Variants in TES observed in about 807,000 individuals in gnomAD.
TES encodes the protein testin.
TES carries 41 observed loss-of-function variants against 48.2 expected under a neutral mutation model. The ratio of observed to expected loss-of-function variants is 0.85; its 90% CI spans 0.66 to 1.10. The LOEUF (loss-of-function observed/expected upper bound fraction) is 1.10. Ranked by LOEUF, TES falls within the 50% of genes least tolerant of loss-of-function variation. TES has a pLI of 0.00. For missense variants in TES, 463 were observed against 515.1 expected, an observed-to-expected ratio of 0.90 and a Z score of 0.98; for synonymous variants, 162 against 174.9, an observed-to-expected ratio of 0.93 and a Z score of 0.58.
intron 2 of TES, among the ~76,000 whole-genome samples, chr7:116,240,578 CCCT>C (rs747666173): frequency 1.3e-5 from 2 of 152,072 alleles, no homozygotes; most frequent in African/African-American, 2.4e-5. Flanking sequence ...ATACAAATAA[CCCT>C]CCTCCATCCC....
chr7:116,218,923 A>G (rs1799525147), intron 1 of TES, among the ~76,000 whole-genome samples: 1 of 152,180 alleles, frequency 6.6e-6, no homozygotes, highest in African/African-American at 2.4e-5. Flanking sequence ...TAAATGCAAG[A>G]GACACAAAAT....
intron 1 of TES, among the ~76,000 whole-genome samples, chr7:116,219,512 A>G (rs879469546): frequency 2.6e-5 from 4 of 152,118 alleles, no homozygotes; most frequent in African/African-American, 9.7e-5. Flanking sequence ...CTGGGACCAC[A>G]ATGTTGCCAG....
Position 116,249,186 on chromosome 7 carries a change from T to C in TES, c.280T>C (p.Leu94=), listed in dbSNP as rs762073024. 6 of 1,614,016 alleles carry C rather than the reference T, an allele frequency of 3.7e-6. No homozygotes were observed. Among genetic ancestry groups the C allele is most frequent in the South Asian group, 1.1e-5 (1 of 91,080 alleles). Residue 94 remains leucine, a synonymous_variant, in exon 3 of 7, where the codon TTG becomes CTG. Coordinates refer to ENST00000358204, the MANE Select transcript of TES (RefSeq NM_015641.4). The part of the protein sequence containing the change: ...IPMYKRNVMI[L]TNPVAAKKNV... ...CATGTATAAACGCAATGTTATGATA[T>C]TGACGAATCCAGTTGCTGCCAAGAA...
At chr7:116,230,223 C>T (rs757076098) in intron 1 of TES, among the ~76,000 whole-genome samples, 7 of 152,088 alleles carry the variant, frequency 4.6e-5, no homozygotes, top group Admixed American at 2.0e-4. Flanking sequence ...TGACCCATTC[C>T]ACTCTCTTTC....
chr7:116,222,883 C>T (rs769145889), intron 1 of TES: 17 of 752,946 alleles, frequency 2.3e-5, no homozygotes, highest in Non-Finnish European at 2.6e-5. Context: ...CTCAGCCAAT[C>T]CTAATTAAGA....
rs760515431 is a variant in TES, at chr7:116,257,245, CA to C, written c.1078-48del. ...ATATGTCCTAAGATGAAAATGTTACCATTACAGCTTGATCTCTCACCCTCTT... is the reference window on the plus strand; with the variant it reads ...ATATGTCCTAAGATGAAAATGTTACCTTACAGCTTGATCTCTCACCCTCTT... On this transcript the variant is annotated intron_variant, in intron 6 of 6. Transcript: ENST00000358204. 3.4e-6 allele frequency: 5 copies of C among 1,488,288 alleles called. No individual in the cohort carries two copies. The South Asian group carries it at 6.6e-5, about 20-fold the overall frequency. 92.2% of individuals were successfully genotyped at this position (1,488,288 alleles called of 1,614,324 possible). A position where few individuals can be genotyped will look rare whatever the true frequency, so the allele number is the denominator to read the frequency against.
Position 116,257,184 on chromosome 7 carries a change from G to T in TES, c.1078-110G>T, listed in dbSNP as rs1034103103. Reference sequence around the variant, plus strand: ...CCACCCTCCATTGTGTATTTCTGAGGTTGTCATTATGAGTTTTAATTTATC... The same window carrying T: ...CCACCCTCCATTGTGTATTTCTGAGTTTGTCATTATGAGTTTTAATTTATC... On this transcript the variant is annotated intron_variant, in intron 6 of 6. Coordinates refer to ENST00000358204, the MANE Select transcript of TES (RefSeq NM_015641.4). 15 of 1,203,314 alleles carry T rather than the reference G, an allele frequency of 1.2e-5. No homozygotes were observed. In the African/African-American group the frequency reaches 1.5e-4, roughly 12 times the overall value. The allele number at this position is 1,203,314 out of a possible 1,614,324, so 74.5% of individuals were successfully genotyped here.
At chr7:116,254,678 A>G (rs1326752246) in intron 6 of TES, among the ~76,000 whole-genome samples, 1 of 151,688 alleles carries the variant, frequency 6.6e-6, no homozygotes, top group Non-Finnish European at 1.5e-5. Flanking sequence ...GGAGGTTGCA[A>G]TGAGCCGAGA....
At position 116,249,206 on chromosome 7, in the gene TES, C is replaced by G; in HGVS notation, c.300C>G (p.Ala100=). 6.2e-7 allele frequency: 1 copy of G among 1,614,042 alleles called. No homozygotes were observed. Among genetic ancestry groups the G allele is most frequent in the Non-Finnish European group, 8.5e-7 (1 of 1,179,978 alleles). The change falls in exon 3 of 7, where the codon GCC becomes GCG. Residue 100 remains alanine (A), a synonymous_variant. Coordinates refer to ENST00000358204, the MANE Select transcript of TES (RefSeq NM_015641.4). The part of the protein sequence containing the change: ...NVMILTNPVA[A]KKNVSINTVT... ...TGATATTGACGAATCCAGTTGCTGC[C>G]AAGAAGAATGTCTCCATCAATACAG...
At chr7:116,252,704 G>T in intron 6 of TES, 1 of 553,840 alleles carries the variant, frequency 1.8e-6, no homozygotes, top group Non-Finnish European at 3.2e-6. Flanking sequence ...TCAATTATAG[G>T]TACTGCTTAA....
chr7:116,234,343 GAATATAA>G (rs1799738042), intron 1 of TES, among the ~76,000 whole-genome samples, 184 bp from the exon 2 acceptor site: 2 of 152,252 alleles, frequency 1.3e-5, no homozygotes, highest in African/African-American at 4.8e-5. Flanking sequence ...AAAGCAATCA[GAATATAA>G]AATATGTTAT....
intron 6 of TES, among the ~76,000 whole-genome samples, chr7:116,256,680 A>G (rs956171110): frequency 1.3e-5 from 2 of 152,212 alleles, no homozygotes; most frequent in African/African-American, 4.8e-5. Flanking sequence ...CAGGGATTGT[A>G]AGTATTAATG....
intron 2 of TES, among the ~76,000 whole-genome samples, chr7:116,235,661 C>T (rs1364809374): frequency 6.6e-6 from 1 of 151,876 alleles, no homozygotes; most frequent in African/African-American, 2.4e-5. Flanking sequence ...CAAGTCTGCT[C>T]AAAGTTAGAA....
intron 1 of TES, among the ~76,000 whole-genome samples, chr7:116,216,317 A>G (rs1799493338): frequency 6.6e-6 from 1 of 152,158 alleles, no homozygotes; most frequent in Admixed American, 6.5e-5. Flanking sequence ...GTGTATGGAA[A>G]GGTCTTCCAT....
rs191282146 is a variant in TES at position 116,219,539 on chromosome 7, G to C, written c.27+8805G>C. On this transcript the variant is annotated intron_variant, in intron 1 of 6. Coordinates refer to ENST00000358204, the MANE Select transcript of TES (RefSeq NM_015641.4). ...TGTTGCCAGGTTTTCATCCTTCTTA[G>C]ATCAGTGAAGCCAACAGTAAAGGTC... is the stretch of plus-strand genomic sequence containing the variant. 2.6e-5 allele frequency among the ~76,000 whole-genome samples: 4 copies of C among 152,236 alleles called. No individual in the cohort carries two copies. In the East Asian group the frequency reaches 7.7e-4, roughly 29 times the overall value.
rs1021125037 is a variant in TES at position 116,247,545 on chromosome 7, T to A, written c.114-1475T>A. Among the ~76,000 whole-genome samples the A allele has an allele frequency of 2.4e-4, 37 of 152,140 alleles. 1 individual carries two copies. The highest frequency in any genetic ancestry group is 2.9e-5 in the Non-Finnish European group (2 of 68,008). On this transcript the variant is annotated intron_variant, in intron 2 of 6. Coordinates refer to ENST00000358204, the MANE Select transcript of TES (RefSeq NM_015641.4). ...TTAATGGTACAATTGAAGATGTCTATTATTGGGGCCATCACCACTTCTTTC... is the reference window on the plus strand; with the variant it reads ...TTAATGGTACAATTGAAGATGTCTAATATTGGGGCCATCACCACTTCTTTC...
intron 2 of TES, among the ~76,000 whole-genome samples, chr7:116,244,525 G>GGGCAACTC (rs1433557952): frequency 6.6e-6 from 1 of 152,216 alleles, no homozygotes; most frequent in African/African-American, 2.4e-5. Flanking sequence ...CCATGGCCTT[G>GGGCAACTC]GGCAACTCCG....
rs1323406144 is a variant in TES, at chr7:116,250,210, G to C, written c.416G>C (p.Gly139Ala). Residue 139 changes from glycine to alanine, a missense_variant, in exon 4 of 7, where the codon GGC becomes GCC. By Grantham distance (60) the Gly-to-Ala change is moderately conservative. Transcript: ENST00000358204. The stretch of plus-strand genomic sequence containing the variant: ...CCCAAGGAAAAGCAGCCAGTAGCAG[G>C]CTCAGAGGGGGCACAGTACCGGAAG... ...MLPKEKQPVAGSEGAQYRKKQ... is the reference protein window; with the variant it reads ...MLPKEKQPVAASEGAQYRKKQ... 6.3e-7 allele frequency: 1 copy of C among 1,585,494 alleles called. No homozygotes were observed. The highest frequency in any genetic ancestry group is 1.8e-5 in the Admixed American group (1 of 55,314).
rs1257262069 is a variant in TES at position 116,258,425 on chromosome 7, C to T, written c.*943C>T. The T allele has an allele frequency of 6.6e-6, 1 of 152,508 alleles. No individual in the cohort carries two copies. Among genetic ancestry groups the T allele is most frequent in the Non-Finnish European group, 1.5e-5 (1 of 68,004 alleles). The allele number at this position is 152,508 out of a possible 1,614,324, so 9.4% of individuals were successfully genotyped here. A position where few individuals can be genotyped will look rare whatever the true frequency, so the allele number is the denominator to read the frequency against. Reference sequence around the variant, plus strand: ...CCATGCCTGACCCACACACTTTTTACTTGTATAGATGATTTTTGGCTTGGA... The same window carrying T: ...CCATGCCTGACCCACACACTTTTTATTTGTATAGATGATTTTTGGCTTGGA... On this transcript the variant is annotated 3_prime_UTR_variant, in exon 7 of 7. Transcript: ENST00000358204.
Sources: allele counts gnomAD v4.1 joint callset (sites outside exome capture counted in the v4.1 genomes callset), GRCh38; gene constraint gnomAD v4.1.1; transcripts MANE v1.5; gene names NCBI Gene and HGNC (gene_info 2026-07-23, HGNC 2026-07-21).